The following MAMDC2 variants were observed in gnomAD, a reference collection of about 807,000 sequenced individuals.
The protein encoded by MAMDC2 is MAM domain containing 2.
A neutral mutation model predicts 89.8 loss-of-function variants in MAMDC2; 57 were observed. The observed-to-expected ratio is 0.63, with a 90% CI of 0.51 to 0.79. MAMDC2 has a LOEUF of 0.79. Ranked by LOEUF, MAMDC2 falls within the 30% of genes least tolerant of loss-of-function variation. The pLI is 0.00. For missense variants in MAMDC2, 800 were observed against 820.6 expected (o/e 0.97, Z 0.31); for synonymous variants, 313 against 293.4 (o/e 1.07, Z -0.68).
At chr9:70,104,536 C>A (rs547241691) in intron 2 of MAMDC2, among the ~76,000 whole-genome samples, 1 of 152,046 alleles carries the variant, frequency 6.6e-6, no homozygotes, top group Non-Finnish European at 1.5e-5. Context: ...AAAGGAGAGG[C>A]AATCCAAATG....
chr9:70,160,766 G>A (rs987291716), intron 9 of MAMDC2, among the ~76,000 whole-genome samples: 9 of 152,170 alleles, frequency 5.9e-5, no homozygotes, highest in African/African-American at 2.2e-4. Flanking sequence ...TTCGACATTA[G>A]CCAGTTCTGA....
intron 9 of MAMDC2, among the ~76,000 whole-genome samples, chr9:70,150,753 C>T (rs760762511): frequency 2.0e-5 from 3 of 152,188 alleles, no homozygotes; most frequent in Admixed American, 6.5e-5. Flanking sequence ...CCAGCCACCA[C>T]CCTAGTCTAA....
chr9:70,157,394 T>C (rs1286742913), intron 9 of MAMDC2: 4 of 152,222 alleles, frequency 2.6e-5, no homozygotes, highest in Admixed American at 2.0e-4. Flanking sequence ...ATAAAGACTC[T>C]CTAATTTCAC....
At chr9:70,128,730 C>T (rs4744980) in intron 6 of MAMDC2, among the ~76,000 whole-genome samples, 130,637 of 152,082 alleles carry the variant, frequency 0.86, 57,387 homozygotes, top group East Asian at 1. Flanking sequence ...GATCTTGGCT[C>T]ACTGCAACCT....
intron 5 of MAMDC2, among the ~76,000 whole-genome samples, chr9:70,121,290 G>A (rs1033051632): frequency 1.3e-5 from 2 of 152,246 alleles, no homozygotes; most frequent in African/African-American, 2.4e-5. Flanking sequence ...GGAACAGACA[G>A]CCTCTTCAGG....
intron 11 of MAMDC2, among the ~76,000 whole-genome samples, chr9:70,193,115 C>T (rs1206486740): frequency 1.3e-5 from 2 of 152,076 alleles, no homozygotes; most frequent in African/African-American, 4.8e-5. Context: ...GTTTAGGAGC[C>T]TGACTGAAGT....
chr9:70,130,008 CTGTGTGTGTGTGTG>C (rs71364580), intron 6 of MAMDC2, among the ~76,000 whole-genome samples: 5 of 147,096 alleles, frequency 3.4e-5, no homozygotes, highest in African/African-American at 5.1e-5. Context: ...ACATGGCATT[CTGTGTGTGTGTGTG>C]TGTGTGTGTG....
In MAMDC2 at chr9:70,226,498, T is replaced by C. The variant is rs201931819; in HGVS notation, c.*466T>C. On this transcript the variant is annotated 3_prime_UTR_variant, in exon 14 of 14. Transcript: ENST00000377182. ...TCTGCAGAATGAATGCAGTCTTTCA[T>C]GCTAATGAGTTAGTCTGGAAAAATA... The C allele has an allele frequency of 4.5e-4, 69 of 152,730 alleles. No individual in the cohort carries two copies. The highest frequency in any genetic ancestry group is 1.6e-3 in the African/African-American group (67 of 41,586). 9.5% of individuals were successfully genotyped at this position (152,730 alleles called of 1,614,324 possible). A position where few individuals can be genotyped will look rare whatever the true frequency, so the allele number is the denominator to read the frequency against.
chr9:70,131,393 G>T, intron 6 of MAMDC2, 126 bp from the exon 7 acceptor site: 2 of 642,892 alleles, frequency 3.1e-6, no homozygotes, highest in South Asian at 4.1e-5. Flanking sequence ...TTGGAAATCT[G>T]ATTCCATGAG....
intron 1 of MAMDC2, 134 bp from the exon 2 acceptor site, chr9:70,044,450 G>A: frequency 3.7e-6 from 3 of 821,680 alleles, no homozygotes; most frequent in Non-Finnish European, 5.8e-6. Context: ...CTGGGGGACA[G>A]GTACTGCATC....
chr9:70,108,221 T>A lies in MAMDC2; in HGVS notation c.159T>A (p.Ile53=). ...PWILNEEGHY[I]YVDTSFGKQG... ...CCTTTCTCTTTCCAGGCCATTACAT[T>A]TATGTGGATACCTCCTTTGGCAAGC... The change falls in exon 3 of 14, where the codon ATT becomes ATA. Residue 53 remains isoleucine, a synonymous_variant. Coordinates refer to ENST00000377182, the MANE Select transcript of MAMDC2 (RefSeq NM_153267.5). 1 of 1,595,566 alleles carries A rather than the reference T, an allele frequency of 6.3e-7. No homozygotes were observed. The highest frequency in any genetic ancestry group is 8.5e-7 in the Non-Finnish European group (1 of 1,172,190).
chr9:70,065,313 A>G (rs566749768), intron 2 of MAMDC2, among the ~76,000 whole-genome samples: 1 of 152,310 alleles, frequency 6.6e-6, no homozygotes, highest in Non-Finnish European at 1.5e-5. Context: ...AATGTCACGG[A>G]TTAAAATAAA....
intron 11 of MAMDC2, among the ~76,000 whole-genome samples, chr9:70,211,841 C>T (rs777329581): frequency 2.2e-4 from 33 of 152,302 alleles, no homozygotes; most frequent in Non-Finnish European, 4.1e-4. Flanking sequence ...AGTTTTCTTT[C>T]TAACAGTCAG....
intron 2 of MAMDC2, among the ~76,000 whole-genome samples, chr9:70,107,738 G>A (rs1786731625): frequency 6.6e-6 from 1 of 152,196 alleles, no homozygotes. Flanking sequence ...ATTAGGTAAT[G>A]GGGAGAGCTA....
chr9:70,161,854 TGTC>T (rs1214983901), intron 9 of MAMDC2, among the ~76,000 whole-genome samples: 1 of 152,230 alleles, frequency 6.6e-6, no homozygotes, highest in African/African-American at 2.4e-5. Context: ...ACTCTGTAGT[TGTC>T]GTAACCAAAT....
intron 12 of MAMDC2, among the ~76,000 whole-genome samples, chr9:70,221,342 C>CAAGCCA (rs1203480602): frequency 1.6e-5 from 1 of 62,828 alleles, no homozygotes; most frequent in Non-Finnish European, 3.1e-5. Context: ...AAAAAAAAAG[C>CAAGCCA]AAGCCAAACA....
chr9:70,044,245 C>A lies in MAMDC2; in HGVS notation c.34+14C>A. 1 of 1,611,802 alleles carries A rather than the reference C, an allele frequency of 6.2e-7. No homozygotes were observed. The highest frequency in any genetic ancestry group is 8.5e-7 in the Non-Finnish European group (1 of 1,179,820). ...TGGCGTTGCAAGGTAAGGCCTGGAC[C>A]CCGGGACAACCCCGGGGGCGCTCTG... On this transcript the variant is annotated intron_variant, in intron 1 of 13. Transcript: ENST00000377182.
At chr9:70,212,906 A>C (rs1429594354) in intron 11 of MAMDC2, among the ~76,000 whole-genome samples, 1 of 152,172 alleles carries the variant, frequency 6.6e-6, no homozygotes, top group Non-Finnish European at 1.5e-5. Context: ...GTGTGGTCCA[A>C]AGAACAGATG....
At chr9:70,090,976 A>G (rs1827885782) in intron 2 of MAMDC2, among the ~76,000 whole-genome samples, 1 of 152,212 alleles carries the variant, frequency 6.6e-6, no homozygotes, top group African/African-American at 2.4e-5. Context: ...ACCATCTCCA[A>G]GATATATTCA....
Sources: allele counts gnomAD v4.1 joint callset (sites outside exome capture counted in the v4.1 genomes callset), GRCh38; gene constraint gnomAD v4.1.1; transcripts MANE v1.5; gene names NCBI Gene and HGNC (gene_info 2026-07-23, HGNC 2026-07-21).